The following LRRC4C variants were observed in gnomAD, a reference collection of about 807,000 sequenced individuals.
LRRC4C encodes the protein leucine-rich repeat-containing protein 4C.
In LRRC4C, 5 loss-of-function variants were observed where a neutral mutation model predicts 33.6. That is an observed-to-expected ratio of 0.15 (90% CI 0.08 to 0.31). The LOEUF is 0.31. Among genes scored for constraint, LRRC4C ranks in the 10% least tolerant of loss-of-function variants. The pLI is 1.00. For synonymous variants in LRRC4C, 329 were observed against 302.0 expected (o/e 1.09, Z -0.93); for missense variants, 560 against 796.7 (o/e 0.70, Z 3.58).
At chr11:41,296,714 C>T (rs1446690928) in intron 1 of LRRC4C, among the ~76,000 whole-genome samples, 5 of 152,200 alleles carry the variant, frequency 3.3e-5, no homozygotes, top group African/African-American at 9.6e-5. Flanking sequence ...AAGTACATTC[C>T]TTAGCATTTT....
intron 5 of LRRC4C, among the ~76,000 whole-genome samples, chr11:40,168,139 A>T (rs111763408): frequency 0.014 from 2,188 of 152,326 alleles, 53 homozygotes; most frequent in African/African-American, 0.048. Flanking sequence ...CCAAAGAGGG[A>T]ACATAATTGG....
At chr11:40,972,380 T>G (rs373683983) in intron 1 of LRRC4C, among the ~76,000 whole-genome samples, 1 of 152,012 alleles carries the variant, frequency 6.6e-6, no homozygotes, top group African/African-American at 2.4e-5. Flanking sequence ...TAAGTGATCT[T>G]CCCACCTCGG....
At chr11:40,717,659 G>C (rs76343811) in intron 2 of LRRC4C, among the ~76,000 whole-genome samples, 3,648 of 152,050 alleles carry the variant, frequency 0.024, 159 homozygotes, top group African/African-American at 0.083. Context: ...CCTGTACACA[G>C]GTTTACCCCG....
intron 1 of LRRC4C, among the ~76,000 whole-genome samples, chr11:41,067,612 T>C (rs1358315063): frequency 6.6e-6 from 1 of 152,206 alleles, no homozygotes; most frequent in African/African-American, 2.4e-5. Flanking sequence ...AGAATATACA[T>C]GCTTTTCAGT....
Position 41,366,179 on chromosome 11 carries a change from TAGATAGATAGATAGATAGAC to T in LRRC4C, c.-496+93232_-496+93251del, listed in dbSNP as rs1265322624. Among the ~76,000 whole-genome samples the T allele has an allele frequency of 7.5e-4, 103 of 136,584 alleles. 1 individual carries two copies. Among genetic ancestry groups the T allele is most frequent in the South Asian group, 3.5e-3 (14 of 4,032 alleles). The allele number at this position is 136,584 out of a possible 152,430, so 89.6% of individuals were successfully genotyped here. A position where few individuals can be genotyped will look rare whatever the true frequency, so the allele number is the denominator to read the frequency against. On this transcript the variant is annotated intron_variant, in intron 1 of 6. Coordinates refer to ENST00000528697, the MANE Select transcript of LRRC4C (RefSeq NM_001258419.2). ...GCCTGTTTGTATGTGTTTATATATC[TAGATAGATAGATAGATAGAC>T]AGATAGATAGATAGATAGATAGATA... is the stretch of plus-strand genomic sequence containing the variant.
chr11:41,318,256 ATTTTC>A lies in LRRC4C; in HGVS notation c.-496+141170_-496+141174del, dbSNP rs553268692. ...TTTTAGGTGTAGATTTGATGTAACT[ATTTTC>A]TTCTCTTGGCTAATTTCTGGTTTCT... On this transcript the variant is annotated intron_variant, in intron 1 of 6. Coordinates refer to ENST00000528697, the MANE Select transcript of LRRC4C (RefSeq NM_001258419.2). Among the ~76,000 whole-genome samples, 84 of 151,632 alleles carry A rather than the reference ATTTTC, an allele frequency of 5.5e-4. No individual in the cohort carries two copies. The East Asian group carries it at 0.015, about 28-fold the overall frequency.
At chr11:41,032,715 G>GA (rs1054851833) in intron 1 of LRRC4C, among the ~76,000 whole-genome samples, 1 of 151,370 alleles carries the variant, frequency 6.6e-6, no homozygotes, top group African/African-American at 2.4e-5. Context: ...TTTAGTAACT[G>GA]AAAAAAGGGG....
intron 1 of LRRC4C, among the ~76,000 whole-genome samples, chr11:41,035,232 A>T (rs1331223075): frequency 6.7e-6 from 1 of 150,344 alleles, no homozygotes; most frequent in Admixed American, 6.6e-5. Context: ...TAAATATATA[A>T]ATAAATAAAA....
chr11:40,327,073 G>A (rs962501389), intron 3 of LRRC4C, among the ~76,000 whole-genome samples: 8 of 152,248 alleles, frequency 5.3e-5, no homozygotes, highest in African/African-American at 1.4e-4. Flanking sequence ...TAGGACTGCT[G>A]TTAGGAAATC....
At chr11:40,184,497 A>G (rs553553942) in intron 5 of LRRC4C, among the ~76,000 whole-genome samples, 1 of 152,338 alleles carries the variant, frequency 6.6e-6, no homozygotes, top group Non-Finnish European at 1.5e-5. Context: ...GGCAAGAATA[A>G]GGAAATACCA....
At chr11:40,809,126 A>G (rs763928174) in intron 2 of LRRC4C, among the ~76,000 whole-genome samples, 1 of 152,076 alleles carries the variant, frequency 6.6e-6, no homozygotes, top group Non-Finnish European at 1.5e-5. Flanking sequence ...TCCAACAACC[A>G]TCTCAATTCT....
intron 1 of LRRC4C, among the ~76,000 whole-genome samples, chr11:41,354,656 T>C (rs1280023112): frequency 1.3e-5 from 2 of 151,750 alleles, no homozygotes; most frequent in Non-Finnish European, 1.5e-5. Context: ...GTTATAAAAA[T>C]AGACACATAG....
intron 1 of LRRC4C, among the ~76,000 whole-genome samples, chr11:41,128,734 G>A (rs1942870195): frequency 6.6e-6 from 1 of 151,834 alleles, no homozygotes. Flanking sequence ...ATTAACCATT[G>A]GCAGGTCATT....
chr11:40,993,654 CTTT>C, intron 1 of LRRC4C, among the ~76,000 whole-genome samples: 1 of 151,396 alleles, frequency 6.6e-6, no homozygotes, highest in East Asian at 1.9e-4. Context: ...TTATTCCCAT[CTTT>C]TTTTTTCCTT....
chr11:40,364,229 A>G (rs1948102477), intron 3 of LRRC4C, among the ~76,000 whole-genome samples: 1 of 152,168 alleles, frequency 6.6e-6, no homozygotes. Flanking sequence ...GAAACTGAAG[A>G]AATCTAAAAC....
At position 40,198,439 on chromosome 11, in the gene LRRC4C, G is replaced by A. The variant is rs79508452; in HGVS notation, c.-96+43080C>T. Among the ~76,000 whole-genome samples the A allele has an allele frequency of 2.5e-3, 381 of 152,278 alleles. 2 individuals are homozygous for A. The highest frequency in any genetic ancestry group is 3.5e-3 in the Non-Finnish European group (239 of 68,030). The stretch of plus-strand genomic sequence containing the variant: ...ATTAACAATTGTTATGAGATATCCA[G>A]ATACCTGCTACAAATATTCTCTCTT... On this transcript the variant is annotated intron_variant, in intron 5 of 6. Transcript: ENST00000528697.
chr11:40,814,684 C>A lies in LRRC4C; in HGVS notation c.-407+118951G>T, dbSNP rs1201427438. Among the ~76,000 whole-genome samples the A allele has an allele frequency of 7.9e-5, 12 of 151,378 alleles. No individual in the cohort carries two copies. The Admixed American group carries it at 7.9e-4, about 10-fold the overall frequency. ...GCTCTGCTTCATCTCGAATGCTTTG[C>A]CACTTAGAAATTTCTTCTGCCAGAT... On this transcript the variant is annotated intron_variant, in intron 2 of 6. Coordinates refer to ENST00000528697, the MANE Select transcript of LRRC4C (RefSeq NM_001258419.2).
chr11:41,024,329 G>A (rs1856192834), intron 1 of LRRC4C, among the ~76,000 whole-genome samples: 1 of 151,770 alleles, frequency 6.6e-6, no homozygotes, highest in African/African-American at 2.4e-5. Context: ...ACTGATAAAA[G>A]CATGCTCATT....
intron 1 of LRRC4C, among the ~76,000 whole-genome samples, chr11:40,995,406 C>G (rs1305803252): frequency 6.6e-6 from 1 of 151,964 alleles, no homozygotes; most frequent in Non-Finnish European, 1.5e-5. Flanking sequence ...CACTTTGCTA[C>G]CTAATAGGCA....
Sources: allele counts gnomAD v4.1 joint callset (sites outside exome capture counted in the v4.1 genomes callset), GRCh38; gene constraint gnomAD v4.1.1; transcripts MANE v1.5; gene names NCBI Gene and HGNC (gene_info 2026-07-23, HGNC 2026-07-21).